TTC7B: variants seen among roughly 807,000 people sequenced by gnomAD.
The protein encoded by TTC7B is tetratricopeptide repeat protein 7B.
TTC7B carries 28 observed loss-of-function variants against 106.8 expected under a neutral mutation model. That is an observed-to-expected ratio of 0.26 (90% confidence interval 0.19 to 0.36). The LOEUF (loss-of-function observed/expected upper bound fraction) is 0.36. TTC7B is among the 10% of genes least tolerant of loss of function. The pLI is 1.00. For missense variants in TTC7B, 862 were observed against 1,076.4 expected, an observed-to-expected ratio of 0.80 and a Z score of 2.79; for synonymous variants, 405 against 430.6, an observed-to-expected ratio of 0.94 and a Z score of 0.74.
chr14:90,595,660 G>C (rs1341485864), intron 17 of TTC7B, among the ~76,000 whole-genome samples: 2 of 152,080 alleles, frequency 1.3e-5, no homozygotes, highest in Admixed American at 1.3e-4. Context: ...TACCAAGTTG[G>C]CTACCTTCTC....
At chr14:90,732,721 C>A (rs115857388) in intron 4 of TTC7B, among the ~76,000 whole-genome samples, 3 of 152,144 alleles carry the variant, frequency 2.0e-5, no homozygotes, top group Admixed American at 1.3e-4. Context: ...TGAGCCACTG[C>A]GCCCGGCTCC....
chr14:90,758,305 A>ACCT (rs1890375258), intron 3 of TTC7B, among the ~76,000 whole-genome samples: 1 of 127,056 alleles, frequency 7.9e-6, no homozygotes, highest in Non-Finnish European at 1.6e-5. Flanking sequence ...CGCGAGATGC[A>ACCT]GGGCACTGGC....
At chr14:90,760,835 C>G (rs1486813496) in intron 3 of TTC7B, among the ~76,000 whole-genome samples, 4 of 152,206 alleles carry the variant, frequency 2.6e-5, no homozygotes, top group Non-Finnish European at 5.9e-5. Context: ...GACCAACAAG[C>G]CAATAGCCTG....
chr14:90,784,265 A>T (rs1352367305), intron 2 of TTC7B, among the ~76,000 whole-genome samples: 1 of 152,116 alleles, frequency 6.6e-6, no homozygotes, highest in Admixed American at 6.5e-5. Context: ...GGTTAAGAAC[A>T]TATGAGATGA....
At chr14:90,599,626 T>C (rs1403525844) in intron 17 of TTC7B, among the ~76,000 whole-genome samples, 1 of 152,236 alleles carries the variant, frequency 6.6e-6, no homozygotes, top group Non-Finnish European at 1.5e-5. Flanking sequence ...CGTCTCTGTT[T>C]GGCACCCACA....
At chr14:90,650,404 A>G (rs1287236909) in intron 13 of TTC7B, among the ~76,000 whole-genome samples, 1 of 152,142 alleles carries the variant, frequency 6.6e-6, no homozygotes, top group Non-Finnish European at 1.5e-5. Context: ...AGGGTGACCA[A>G]CTTGTCCTGG....
chr14:90,579,916 T>C (rs529726233), intron 18 of TTC7B, among the ~76,000 whole-genome samples: 1 of 152,396 alleles, frequency 6.6e-6, no homozygotes, highest in South Asian at 2.1e-4. Flanking sequence ...GCCTCAATTA[T>C]GCAGAGACTC....
At chr14:90,592,235 A>G (rs1891989963) in intron 18 of TTC7B, among the ~76,000 whole-genome samples, 2 of 152,224 alleles carry the variant, frequency 1.3e-5, no homozygotes, top group African/African-American at 4.8e-5. Context: ...TTCTCAGCCA[A>G]ATGTGGGCTT....
chr14:90,791,926 G>C (rs1369253313), intron 1 of TTC7B, among the ~76,000 whole-genome samples: 4 of 151,928 alleles, frequency 2.6e-5, no homozygotes, highest in Non-Finnish European at 5.9e-5. Flanking sequence ...GGCCAAACTG[G>C]AATCTTAACC....
At chr14:90,776,314 A>G (rs1248382843) in intron 3 of TTC7B, among the ~76,000 whole-genome samples, 2 of 152,194 alleles carry the variant, frequency 1.3e-5, no homozygotes, top group Non-Finnish European at 2.9e-5. Context: ...GGTGATCAGC[A>G]GCTTCCCAAC....
Position 90,537,381 on chromosome 14 carries a change from G to T in TTC7B, c.*3987C>A, listed in dbSNP as rs867318663. 6.7e-6 allele frequency: 1 copy of T among 149,880 alleles called. No homozygotes were observed. The highest frequency in any genetic ancestry group is 1.5e-5 in the Non-Finnish European group (1 of 67,768). The allele number at this position is 149,880 out of a possible 1,614,324, so 9.3% of individuals were successfully genotyped here. A position where few individuals can be genotyped will look rare whatever the true frequency, so the allele number is the denominator to read the frequency against. ...TTTTTTTTTTGTAGAGATGGGGGGG[G>T]GGTCTCACCATGTTGCCCAGGCTGG... On this transcript the variant is annotated 3_prime_UTR_variant, in exon 20 of 20. Coordinates refer to ENST00000328459, the MANE Select transcript of TTC7B (RefSeq NM_001010854.2).
chr14:90,571,653 A>G (rs958033618), intron 19 of TTC7B, among the ~76,000 whole-genome samples: 1 of 152,244 alleles, frequency 6.6e-6, no homozygotes, highest in Non-Finnish European at 1.5e-5. Context: ...TATGTATGGA[A>G]AGAAAACTGA....
intron 5 of TTC7B, among the ~76,000 whole-genome samples, chr14:90,719,467 G>A (rs1434602530): frequency 6.6e-6 from 1 of 152,130 alleles, no homozygotes; most frequent in Non-Finnish European, 1.5e-5. Context: ...TGTGTCTTTG[G>A]GCTTCCCTGA....
intron 15 of TTC7B, among the ~76,000 whole-genome samples, chr14:90,641,513 C>T (rs1885170766): frequency 1.3e-5 from 2 of 152,190 alleles, no homozygotes; most frequent in Admixed American, 1.3e-4. Context: ...AATGTTTTAG[C>T]CAGGTTGGGA....
At chr14:90,790,853 T>A (rs1233640199) in intron 1 of TTC7B, among the ~76,000 whole-genome samples, 1 of 151,730 alleles carries the variant, frequency 6.6e-6, no homozygotes, top group East Asian at 1.9e-4. Context: ...AGAGGATGAG[T>A]AGGACCTGGG....
chr14:90,720,883 T>C (rs932159873), intron 5 of TTC7B, among the ~76,000 whole-genome samples: 4 of 152,208 alleles, frequency 2.6e-5, no homozygotes, highest in African/African-American at 4.8e-5. Context: ...ATTTGCTGTC[T>C]CGACCCTAGT....
In TTC7B at chr14:90,816,286, TG is replaced by T; in HGVS notation, c.9del (p.Lys4ArgfsTer54). 1 of 1,222,692 alleles carries T rather than the reference TG, an allele frequency of 8.2e-7. No homozygotes were observed. The highest frequency in any genetic ancestry group is 1.1e-6 in the Non-Finnish European group (1 of 951,230). 75.7% of individuals were successfully genotyped at this position (1,222,692 alleles called of 1,614,324 possible). A position where few individuals can be genotyped will look rare whatever the true frequency, so the allele number is the denominator to read the frequency against. Reference protein sequence around the residue: MATKKAGSRLETE... With the variant: MAXKKAGSRLETE... ...GTCTCCAGCCGCGAGCCTGCCTTCTTGGTCGCCATCGCGGCCTGGCCGGGCC... is the reference window on the plus strand; with the variant it reads ...GTCTCCAGCCGCGAGCCTGCCTTCTTGTCGCCATCGCGGCCTGGCCGGGCC... On this transcript the variant is annotated frameshift_variant, in exon 1 of 20. Coordinates refer to ENST00000328459, the MANE Select transcript of TTC7B (RefSeq NM_001010854.2). LOFTEE classifies it high-confidence loss of function.
At chr14:90,655,505 C>A (rs1273168031) in intron 11 of TTC7B, among the ~76,000 whole-genome samples, 1 of 152,026 alleles carries the variant, frequency 6.6e-6, no homozygotes, top group Admixed American at 6.6e-5. Context: ...GCCTTTCTTT[C>A]CCCCCCTACC....
chr14:90,761,555 TA>T, intron 3 of TTC7B, among the ~76,000 whole-genome samples: 1 of 152,252 alleles, frequency 6.6e-6, no homozygotes, highest in Non-Finnish European at 1.5e-5. Context: ...ATTTGATTAA[TA>T]ACTCCATCAC....
Sources: allele counts gnomAD v4.1 joint callset (sites outside exome capture counted in the v4.1 genomes callset), GRCh38; gene constraint gnomAD v4.1.1; transcripts MANE v1.5; gene names NCBI Gene and HGNC (gene_info 2026-07-23, HGNC 2026-07-21).